Variants in RIPK1 observed in about 807,000 individuals in gnomAD.
The protein encoded by RIPK1 is receptor-interacting serine/threonine-protein kinase 1.
RIPK1 carries 27 observed loss-of-function variants against 62.4 expected under a neutral mutation model. The observed-to-expected ratio is 0.43, with a 90% CI of 0.32 to 0.60. The LOEUF is 0.60. RIPK1 is among the 20% of genes least tolerant of loss of function. RIPK1 has a pLI of 0.07. For synonymous variants in RIPK1, 287 were observed against 303.2 expected (o/e 0.95, Z 0.55); for missense variants, 735 against 831.0 (o/e 0.88, Z 1.42).
chr6:3,088,343 G>C (rs756799183), intron 6 of RIPK1, among the ~76,000 whole-genome samples: 1 of 152,218 alleles, frequency 6.6e-6, no homozygotes, highest in Non-Finnish European at 1.5e-5. Flanking sequence ...TGACACAGAG[G>C]TGAAGGTACC....
chr6:3,089,183 A>G (rs1296388592), intron 6 of RIPK1, among the ~76,000 whole-genome samples: 1 of 152,230 alleles, frequency 6.6e-6, no homozygotes, highest in South Asian at 2.1e-4. Flanking sequence ...TAACAGCTGT[A>G]ACCCATTACA....
intron 3 of RIPK1, among the ~76,000 whole-genome samples, chr6:3,079,136 A>G (rs1369851251): frequency 2.0e-5 from 3 of 151,620 alleles, no homozygotes; most frequent in Non-Finnish European, 2.9e-5. Flanking sequence ...CTGGAGTGCA[A>G]TGGTGCAATC....
At chr6:3,095,922 G>GT (rs1760267105) in intron 7 of RIPK1, among the ~76,000 whole-genome samples, 1 of 149,002 alleles carries the variant, frequency 6.7e-6, no homozygotes, top group Non-Finnish European at 1.5e-5. Flanking sequence ...ACGGCTTACT[G>GT]TATCCTTGAC....
chr6:3,074,845 C>G (rs1285935702), intron 1 of RIPK1, among the ~76,000 whole-genome samples: 1 of 152,104 alleles, frequency 6.6e-6, no homozygotes, highest in African/African-American at 2.4e-5. Flanking sequence ...CCACGCCTGG[C>G]TGATTTTTGT....
intron 1 of RIPK1, among the ~76,000 whole-genome samples, chr6:3,073,244 T>C (rs1453119859): frequency 8.0e-6 from 1 of 125,328 alleles, no homozygotes; most frequent in East Asian, 2.3e-4. Flanking sequence ...CATTTTTATA[T>C]CATATATTAT....
intron 4 of RIPK1, among the ~76,000 whole-genome samples, chr6:3,082,212 G>A (rs1250239264): frequency 6.6e-6 from 1 of 152,214 alleles, no homozygotes; most frequent in East Asian, 1.9e-4. Flanking sequence ...CTCATCACCA[G>A]CAGGTTCTGC....
Position 3,076,928 on chromosome 6 carries a change from C to T in RIPK1, c.105C>T (p.Phe35=). ...GCTTTGGGAAGGTGTCTCTGTGTTT[C>T]CACAGAACCCAGGGACTCATGATCA... ...SGGFGKVSLC[F]HRTQGLMIMK... Residue 35 remains phenylalanine, a synonymous_variant, in exon 2 of 11, where the codon TTC becomes TTT. Transcript: ENST00000259808. The T allele has an allele frequency of 1.2e-6, 2 of 1,611,828 alleles. No homozygotes were observed. The highest frequency in any genetic ancestry group is 1.7e-6 in the Non-Finnish European group (2 of 1,178,742).
At chr6:3,068,374 G>C (rs1412927409), upstream of RIPK1, 1 of 985,328 alleles carries the variant, frequency 1.0e-6, no homozygotes, top group African/African-American at 1.7e-5. Flanking sequence ...CGATCCTCTA[G>C]CCCGCAAGAG....
chr6:3,070,501 G>T (rs777653582), intron 1 of RIPK1, among the ~76,000 whole-genome samples: 1 of 152,178 alleles, frequency 6.6e-6, no homozygotes, highest in African/African-American at 2.4e-5. Flanking sequence ...GCAGTGGCGC[G>T]ATCGCGGCTT....
At chr6:3,068,748 TC>T in intron 1 of RIPK1, 87 bp downstream of exon 1, 1 of 825,560 alleles carries the variant, frequency 1.2e-6, no homozygotes, top group Non-Finnish European at 1.5e-6. Flanking sequence ...TCGCGCGCCC[TC>T]CCCCAGCACG....
At chr6:3,090,419 G>T (rs746754385) in intron 7 of RIPK1, among the ~76,000 whole-genome samples, 1 of 152,100 alleles carries the variant, frequency 6.6e-6, no homozygotes, top group Non-Finnish European at 1.5e-5. Context: ...TTAAAAAAGA[G>T]ATTAGAATCA....
intron 1 of RIPK1, chr6:3,068,940 G>T (rs1288359071): frequency 6.5e-6 from 1 of 153,246 alleles, no homozygotes; most frequent in Non-Finnish European, 1.4e-5. Flanking sequence ...TGCGCGCGGC[G>T]GGCGGGCCCC....
intron 3 of RIPK1, among the ~76,000 whole-genome samples, chr6:3,080,079 C>T (rs1007399935): frequency 9.2e-5 from 14 of 152,228 alleles, no homozygotes; most frequent in African/African-American, 2.9e-4. Context: ...GAAGAGAAAA[C>T]ATCTTTTCTG....
chr6:3,067,226 TTGTA>T (rs1758421124), upstream of RIPK1, among the ~76,000 whole-genome samples: 1 of 152,024 alleles, frequency 6.6e-6, no homozygotes, highest in Non-Finnish European at 1.5e-5. Context: ...GTACAGGTGT[TTGTA>T]TGGGCATAAG....
intron 9 of RIPK1, among the ~76,000 whole-genome samples, chr6:3,107,304 T>G (rs886994043): frequency 2.1e-5 from 3 of 142,604 alleles, no homozygotes; most frequent in African/African-American, 8.0e-5. Flanking sequence ...CGCCTGTAAT[T>G]CCAGCACTTT....
At chr6:3,090,664 C>T (rs551796286) in intron 7 of RIPK1, among the ~76,000 whole-genome samples, 5 of 152,184 alleles carry the variant, frequency 3.3e-5, no homozygotes, top group East Asian at 1.9e-4. Flanking sequence ...ATAGAACGAG[C>T]AAACAAAAAT....
chr6:3,108,585 G>A (rs141284825), intron 9 of RIPK1, among the ~76,000 whole-genome samples: 1 of 152,158 alleles, frequency 6.6e-6, no homozygotes, highest in Non-Finnish European at 1.5e-5. Context: ...AACAGGGTAA[G>A]GCAGCTTACC....
intron 7 of RIPK1, among the ~76,000 whole-genome samples, chr6:3,095,968 CT>C (rs17513430): frequency 0.026 from 3,897 of 152,054 alleles, 175 homozygotes; most frequent in African/African-American, 0.089. Context: ...CCTCAGCCCC[CT>C]GAGGGACCAC....
At chr6:3,082,973 C>T (rs1339886880) in intron 4 of RIPK1, 112 bp from the exon 5 acceptor site, 3 of 1,001,148 alleles carry the variant, frequency 3.0e-6, no homozygotes, top group Admixed American at 1.9e-5. Flanking sequence ...GCAACCATTT[C>T]TGGAAAATTT....
Sources: allele counts gnomAD v4.1 joint callset (sites outside exome capture counted in the v4.1 genomes callset), GRCh38; gene constraint gnomAD v4.1.1; transcripts MANE v1.5; gene names NCBI Gene and HGNC (gene_info 2026-07-23, HGNC 2026-07-21).